The following DHRSX variants were observed in gnomAD, a reference collection of about 807,000 sequenced individuals.
DHRSX encodes the protein dehydrogenase/reductase X-linked, also known as polyprenol dehydrogenase.
Under a neutral mutation model 34.0 loss-of-function variants are expected in DHRSX, and 31 were observed. That is an observed-to-expected ratio of 0.91 (90% confidence interval 0.69 to 1.23). The LOEUF is 1.23. DHRSX is among the 50% of genes most tolerant of loss of function. DHRSX has a pLI of 0.00. For missense variants in DHRSX, 414 were observed against 428.1 expected, an observed-to-expected ratio of 0.97 and a Z score of 0.29; for synonymous variants, 201 against 183.8, an observed-to-expected ratio of 1.09 and a Z score of -0.76.
chrX:2,282,779 AG>A (rs1291384048), intron 4 of DHRSX, among the ~76,000 whole-genome samples: 8 of 36,106 alleles, frequency 2.2e-4, no homozygotes, highest in South Asian at 1.0e-3. Flanking sequence ...CGAGGGAGGG[AG>A]GGGGAGAGAG....
At chrX:2,266,690 C>G (rs1385380044) in intron 5 of DHRSX, 50 bp downstream of exon 5, 2 of 1,569,530 alleles carry the variant, frequency 1.3e-6, no homozygotes, top group South Asian at 2.2e-5. Context: ...AGATGAATAA[C>G]CTTTAACCCA....
intron 3 of DHRSX, among the ~76,000 whole-genome samples, chrX:2,371,223 G>GTAGTCCCTCCCCATTACCA (rs1197451342): frequency 0.015 from 1,717 of 113,112 alleles, 47 homozygotes; most frequent in African/African-American, 0.047. Context: ...TCCCGTTACC[G>GTAGTCCCTCCCCATTACCA]TAGTCCCTCC....
intron 3 of DHRSX, among the ~76,000 whole-genome samples, chrX:2,310,629 CA>C (rs895652471): frequency 6.6e-6 from 1 of 150,638 alleles, no homozygotes; most frequent in Non-Finnish European, 1.5e-5. Context: ...GAACAAAACA[CA>C]GAGAAAGTTA....
At chrX:2,480,915 T>C (rs2044759077) in intron 1 of DHRSX, among the ~76,000 whole-genome samples, 1 of 152,192 alleles carries the variant, frequency 6.6e-6, no homozygotes, top group South Asian at 2.1e-4. Flanking sequence ...TTAATAATAA[T>C]ACATTGCGTT....
chrX:2,448,311 T>C (rs959900390), intron 1 of DHRSX, among the ~76,000 whole-genome samples: 3 of 152,100 alleles, frequency 2.0e-5, no homozygotes, highest in African/African-American at 7.2e-5. Flanking sequence ...CCACCGTGGG[T>C]GATAGGGTGA....
intron 3 of DHRSX, among the ~76,000 whole-genome samples, chrX:2,366,893 G>T (rs1347625517): frequency 6.6e-6 from 1 of 151,914 alleles, no homozygotes; most frequent in African/African-American, 2.4e-5. Flanking sequence ...AGCCACCATG[G>T]ATCATTCGTG....
chrX:2,395,033 G>A (rs1251211631), intron 3 of DHRSX, among the ~76,000 whole-genome samples: 2 of 152,134 alleles, frequency 1.3e-5, no homozygotes, highest in African/African-American at 4.8e-5. Context: ...TCGAGTCCCA[G>A]GTGAGGATCA....
At chrX:2,236,314 G>A (rs1157174897) in intron 6 of DHRSX, among the ~76,000 whole-genome samples, 1 of 152,172 alleles carries the variant, frequency 6.6e-6, no homozygotes, top group Non-Finnish European at 1.5e-5. Flanking sequence ...AAGGGAAGGA[G>A]AGGGATTGGA....
At chrX:2,356,460 AGAT>A (rs201508436) in intron 3 of DHRSX, among the ~76,000 whole-genome samples, 11,870 of 152,176 alleles carry the variant, frequency 0.078, 561 homozygotes, top group East Asian at 0.22. Flanking sequence ...TAGAAGAAAA[AGAT>A]GATGACATGA....
At position 2,291,518 on chromosome X, in the gene DHRSX, A is replaced by G; in HGVS notation, c.372T>C (p.His124=). ...AGGACTCACCATTGTTGATCAGGAC[A>G]TGGAGAGGAATCTTCTTCATCTTGA... The part of the protein sequence containing the change: ...QKFKMKKIPL[H]VLINNAGVMM... The change falls in exon 4 of 7, where the codon CAT becomes CAC. Residue 124 remains histidine (H), a synonymous_variant. Coordinates refer to ENST00000334651, the MANE Select transcript of DHRSX (RefSeq NM_145177.3). 2 of 1,613,790 alleles carry G rather than the reference A, an allele frequency of 1.2e-6. No individual in the cohort carries two copies. Among genetic ancestry groups the G allele is most frequent in the Non-Finnish European group, 1.7e-6 (2 of 1,179,696 alleles).
intron 5 of DHRSX, among the ~76,000 whole-genome samples, chrX:2,259,109 C>G (rs111485903): frequency 0.26 from 39,855 of 151,768 alleles, 7,015 homozygotes; most frequent in African/African-American, 0.48. Context: ...CCCGTCTCTA[C>G]TAAAAATATA....
intron 1 of DHRSX, among the ~76,000 whole-genome samples, chrX:2,482,329 A>ATG (rs1318415072): frequency 6.6e-6 from 1 of 152,020 alleles, no homozygotes; most frequent in Non-Finnish European, 1.5e-5. Context: ...AGGTCTCAGT[A>ATG]TGTTGACCAG....
intron 1 of DHRSX, among the ~76,000 whole-genome samples, chrX:2,483,831 G>A (rs4497130): frequency 6.7e-6 from 1 of 150,048 alleles, no homozygotes; most frequent in Non-Finnish European, 1.5e-5. Flanking sequence ...AAAGTCCAGC[G>A]GTTATTTTTG....
rs2043316591 is a variant in DHRSX at position 2,390,022 on chromosome X, C to G, written c.286+18723G>C. Reference sequence around the variant, plus strand: ...TCTCGAACTCCCGACCTCAAGTGATCCACCCGCCTCAGCCTCCCAAATTGC... The same window carrying G: ...TCTCGAACTCCCGACCTCAAGTGATGCACCCGCCTCAGCCTCCCAAATTGC... On this transcript the variant is annotated intron_variant, in intron 3 of 6. Coordinates refer to ENST00000334651, the MANE Select transcript of DHRSX (RefSeq NM_145177.3). Among the ~76,000 whole-genome samples the G allele has an allele frequency of 3.3e-5, 5 of 152,164 alleles. No individual in the cohort carries two copies. The South Asian group carries it at 1.0e-3, about 32-fold the overall frequency.
intron 1 of DHRSX, among the ~76,000 whole-genome samples, chrX:2,467,451 G>A (rs1360234900): frequency 1.3e-5 from 2 of 152,152 alleles, no homozygotes; most frequent in Admixed American, 1.3e-4. Flanking sequence ...CTCCACACGG[G>A]TGACCCCAGA....
At chrX:2,500,654 G>GCCCCCCCCCCCCCCCCCCCCCCCCCCCCC (rs546772121) in intron 1 of DHRSX, 163 bp downstream of exon 1, 3 of 126,740 alleles carry the variant, frequency 2.4e-5, no homozygotes, top group Admixed American at 7.7e-5. Context: ...CGCGCACGCC[G>GCCCCCCCCCCCCCCCCCCCCCCCCCCCCC]CCCCCCCCCC....
In DHRSX at chrX:2,395,597, G is replaced by A. The variant is rs183201573; in HGVS notation, c.286+13148C>T. On this transcript the variant is annotated intron_variant, in intron 3 of 6. Transcript: ENST00000334651. ...AGAGGACTGAGTAAGGGATGTTCCC[G>A]TGACTGCAAGGAAGGCATGGATGGG... 2.7e-3 allele frequency among the ~76,000 whole-genome samples: 414 copies of A among 152,200 alleles called. 3 individuals are homozygous for A. The highest frequency in any genetic ancestry group is 0.014 in the Middle Eastern group (4 of 294).
chrX:2,344,011 A>T (rs963256862), intron 3 of DHRSX, among the ~76,000 whole-genome samples: 7 of 151,996 alleles, frequency 4.6e-5, no homozygotes, highest in African/African-American at 1.7e-4. Flanking sequence ...CCTCCTTGAA[A>T]ACTCCGTGCA....
chrX:2,482,129 C>CTTTTTTTTT (rs1356975147), intron 1 of DHRSX, among the ~76,000 whole-genome samples: 8 of 129,810 alleles, frequency 6.2e-5, no homozygotes, highest in East Asian at 4.3e-4. Context: ...CCACGTCTGG[C>CTTTTTTTTT]TTTTTTTTTT....
Sources: gnomAD v4.1 joint callset for allele counts (sites outside exome capture counted in the v4.1 genomes callset) on GRCh38, gnomAD v4.1.1 for gene constraint, MANE v1.5 for transcripts, NCBI Gene and HGNC (gene_info 2026-07-23, HGNC 2026-07-21) for gene names.